The following L3MBTL4 variants were observed in gnomAD, a reference collection of about 807,000 sequenced individuals.
The protein encoded by L3MBTL4 is L3MBTL histone methyl-lysine binding protein 4.
A neutral mutation model predicts 84.5 loss-of-function variants in L3MBTL4; 70 were observed. That is an observed-to-expected ratio of 0.83 (90% CI 0.68 to 1.01). The LOEUF (loss-of-function observed/expected upper bound fraction) is 1.01. L3MBTL4 is among the 50% of genes least tolerant of loss of function. L3MBTL4 has a pLI of 0.00. For missense variants in L3MBTL4, 715 were observed against 754.8 expected, an observed-to-expected ratio of 0.95 and a Z score of 0.62; for synonymous variants, 274 against 259.8, an observed-to-expected ratio of 1.05 and a Z score of -0.52.
intron 14 of L3MBTL4, among the ~76,000 whole-genome samples, chr18:6,133,333 T>TCACACACA (rs71699994): frequency 0.01 from 1,484 of 146,764 alleles, 36 homozygotes; most frequent in African/African-American, 0.035. Flanking sequence ...CAGCTCTAGA[T>TCACACACA]CACACACACA....
At chr18:6,379,146 G>A (rs532895618) in intron 1 of L3MBTL4, among the ~76,000 whole-genome samples, 1 of 152,272 alleles carries the variant, frequency 6.6e-6, no homozygotes, top group African/African-American at 2.4e-5. Flanking sequence ...AGGAATGCTT[G>A]TGATTTTTGC....
chr18:5,968,138 C>T (rs1270895091), intron 17 of L3MBTL4, among the ~76,000 whole-genome samples: 1 of 152,206 alleles, frequency 6.6e-6, no homozygotes, highest in Non-Finnish European at 1.5e-5. Context: ...CGGACTTAAA[C>T]CAAGATTAAG....
chr18:6,013,793 C>T (rs1246438050), intron 16 of L3MBTL4, among the ~76,000 whole-genome samples: 1 of 152,224 alleles, frequency 6.6e-6, no homozygotes, highest in Non-Finnish European at 1.5e-5. Context: ...AAATCTGGCA[C>T]ATATTAGGCA....
At chr18:6,047,268 C>A (rs2056663122) in intron 16 of L3MBTL4, among the ~76,000 whole-genome samples, 1 of 151,970 alleles carries the variant, frequency 6.6e-6, no homozygotes, top group Non-Finnish European at 1.5e-5. Flanking sequence ...ATCTTACCAA[C>A]CAAAAAAAGC....
chr18:6,337,604 C>A (rs2052405108), intron 1 of L3MBTL4, among the ~76,000 whole-genome samples: 1 of 152,056 alleles, frequency 6.6e-6, no homozygotes, highest in Non-Finnish European at 1.5e-5. Flanking sequence ...AAAATAGTAT[C>A]TGTAGAAAAT....
intron 1 of L3MBTL4, among the ~76,000 whole-genome samples, chr18:6,379,876 C>T (rs999720616): frequency 2.6e-5 from 4 of 152,056 alleles, no homozygotes; most frequent in East Asian, 1.9e-4. Context: ...TGATTGGAAT[C>T]GTTTCAGAAG....
At chr18:6,265,243 G>A (rs571853037) in intron 4 of L3MBTL4, among the ~76,000 whole-genome samples, 2 of 152,168 alleles carry the variant, frequency 1.3e-5, no homozygotes, top group East Asian at 3.9e-4. Context: ...AATTTTCTTT[G>A]TGCTTTCTTT....
chr18:6,273,542 G>T (rs1193082847), intron 4 of L3MBTL4, among the ~76,000 whole-genome samples: 1 of 152,168 alleles, frequency 6.6e-6, no homozygotes, highest in East Asian at 1.9e-4. Flanking sequence ...GTTCTACAGA[G>T]GAGGCGACCA....
intron 1 of L3MBTL4, among the ~76,000 whole-genome samples, chr18:6,344,729 T>C (rs951012977): frequency 1.3e-5 from 2 of 149,314 alleles, no homozygotes; most frequent in Non-Finnish European, 2.9e-5. Flanking sequence ...TGGTTCAACA[T>C]ATCAAAATCA....
At chr18:5,957,513 C>T (rs2095233819) in intron 18 of L3MBTL4, among the ~76,000 whole-genome samples, 1 of 151,558 alleles carries the variant, frequency 6.6e-6, no homozygotes, top group Non-Finnish European at 1.5e-5. Context: ...CAGCACAACT[C>T]CAGGGACTAC....
intron 1 of L3MBTL4, among the ~76,000 whole-genome samples, chr18:6,316,852 A>G (rs2051130594): frequency 6.6e-6 from 1 of 151,976 alleles, no homozygotes; most frequent in East Asian, 1.9e-4. Context: ...TCCCCCAGCC[A>G]CCTCTGTCAG....
chr18:6,201,747 C>A (rs1337223129), intron 12 of L3MBTL4, among the ~76,000 whole-genome samples: 1 of 152,186 alleles, frequency 6.6e-6, no homozygotes, highest in Non-Finnish European at 1.5e-5. Context: ...CTGACTTAAT[C>A]ATTACACATT....
intron 4 of L3MBTL4, among the ~76,000 whole-genome samples, chr18:6,297,447 TAA>T (rs1015941904): frequency 6.6e-5 from 10 of 152,314 alleles, no homozygotes; most frequent in Non-Finnish European, 1.5e-5. Flanking sequence ...CATGGTCACC[TAA>T]GATATTAATG....
chr18:6,144,754 C>T (rs1378122688), intron 13 of L3MBTL4, among the ~76,000 whole-genome samples: 4 of 152,196 alleles, frequency 2.6e-5, no homozygotes, highest in Admixed American at 2.6e-4. Flanking sequence ...AAGACAAATG[C>T]TTTTCTTTCC....
At chr18:5,958,065 A>AAGAAGG (rs2095239189) in intron 18 of L3MBTL4, among the ~76,000 whole-genome samples, 1 of 19,048 alleles carries the variant, frequency 5.2e-5, no homozygotes, top group Non-Finnish European at 8.6e-5. Context: ...GGAGAAGGAG[A>AAGAAGG]AGAAGAAGAA....
chr18:6,156,054 C>T (rs2043090555), intron 13 of L3MBTL4, among the ~76,000 whole-genome samples: 1 of 152,138 alleles, frequency 6.6e-6, no homozygotes, highest in Non-Finnish European at 1.5e-5. Context: ...CAGATAGCTG[C>T]CCTTGCCCAC....
intron 16 of L3MBTL4, among the ~76,000 whole-genome samples, chr18:6,012,362 A>G (rs1845363656): frequency 6.6e-6 from 1 of 152,230 alleles, no homozygotes; most frequent in South Asian, 2.1e-4. Flanking sequence ...GCAAATCGAC[A>G]AAAAGGAGAT....
At chr18:6,235,981 G>T (rs1251526429) in intron 10 of L3MBTL4, among the ~76,000 whole-genome samples, 1 of 152,150 alleles carries the variant, frequency 6.6e-6, no homozygotes, top group Non-Finnish European at 1.5e-5. Context: ...GTGTTCATGG[G>T]AAGAGAAACT....
chr18:6,202,843 GTACCAGTTACA>G (rs2045706344), intron 12 of L3MBTL4, among the ~76,000 whole-genome samples: 1 of 152,158 alleles, frequency 6.6e-6, no homozygotes, highest in Non-Finnish European at 1.5e-5. Context: ...GATGTCAAAA[GTACCAGTTACA>G]TACCTAACCC....
Sources: allele counts gnomAD v4.1 joint callset (sites outside exome capture counted in the v4.1 genomes callset), GRCh38; gene constraint gnomAD v4.1.1; transcripts MANE v1.5; gene names NCBI Gene and HGNC (gene_info 2026-07-23, HGNC 2026-07-21).